Variants in CHSY3 observed in about 807,000 individuals in gnomAD.
CHSY3 encodes N-acetylgalactosaminyl-proteoglycan 3-beta-glucuronosyltransferase 3.
CHSY3 carries 35 observed loss-of-function variants against 67.2 expected under a neutral mutation model. The ratio of observed to expected loss-of-function variants is 0.52; its 90% CI spans 0.40 to 0.69. The LOEUF (loss-of-function observed/expected upper bound fraction) is 0.69, where lower values mean the gene tolerates loss of function less well. Ranked by LOEUF, CHSY3 falls within the 30% of genes least tolerant of loss-of-function variation. The probability of loss-of-function intolerance (pLI) is 0.00; values close to 1 mark genes in which losing one functional copy is unlikely to be tolerated. For missense variants in CHSY3, 1,069 were observed against 1,138.5 expected (o/e 0.94, Z 0.88); for synonymous variants, 474 against 434.7 (o/e 1.09, Z -1.12).
chr5:130,042,472 C>T (rs1765032204), intron 2 of CHSY3, among the ~76,000 whole-genome samples: 1 of 151,990 alleles, frequency 6.6e-6, no homozygotes, highest in African/African-American at 2.4e-5. Flanking sequence ...ATTACAATAT[C>T]AATTCCTTTG....
chr5:130,106,063 C>T (rs1767406450), intron 2 of CHSY3, among the ~76,000 whole-genome samples: 1 of 151,370 alleles, frequency 6.6e-6, no homozygotes, highest in African/African-American at 2.4e-5. Flanking sequence ...CTTACTTAAC[C>T]TCCCCAAGCA....
rs562729053 is a variant in CHSY3, at chr5:130,027,966, G to T, written c.1086+119606G>T. Reference sequence around the variant, plus strand: ...TGTGCTTTTATAGCAACATGATTTAGAATCCTTTGGGTATATACCCAGTAA... The same window carrying T: ...TGTGCTTTTATAGCAACATGATTTATAATCCTTTGGGTATATACCCAGTAA... On this transcript the variant is annotated intron_variant, in intron 2 of 2. Coordinates refer to ENST00000305031, the MANE Select transcript of CHSY3 (RefSeq NM_175856.5). Among the ~76,000 whole-genome samples the T allele has an allele frequency of 3.4e-3, 517 of 152,186 alleles. 2 individuals carry two copies. The highest frequency in any genetic ancestry group is 5.2e-3 in the Admixed American group (79 of 15,258).
At position 130,185,073 on chromosome 5, in the gene CHSY3, T is replaced by G. The variant is rs759792761; in HGVS notation, c.1931T>G (p.Met644Arg). 2.5e-6 allele frequency: 4 copies of G among 1,605,098 alleles called. No individual in the cohort carries two copies. The South Asian group carries it at 4.4e-5, about 18-fold the overall frequency. ...AGATTCATGGAGAACTTTGAAAACA[T>G]GTGTCTTATCCCAAAGCAGAATGTA... Reference protein sequence around the residue: ...FLRFMENFENMCLIPKQNVKL... With the variant: ...FLRFMENFENRCLIPKQNVKL... The change falls in exon 3 of 3, where the codon ATG (methionine) becomes AGG (arginine). Residue 644 changes from methionine to arginine, a missense_variant. Coordinates refer to ENST00000305031, the MANE Select transcript of CHSY3 (RefSeq NM_175856.5).
chr5:130,024,591 T>C (rs1764486196), intron 2 of CHSY3, among the ~76,000 whole-genome samples: 1 of 152,190 alleles, frequency 6.6e-6, no homozygotes, highest in Non-Finnish European at 1.5e-5. Flanking sequence ...ATTCAAATTA[T>C]GTTTTACAAA....
intron 2 of CHSY3, among the ~76,000 whole-genome samples, chr5:130,135,740 G>A (rs1010708509): frequency 1.3e-5 from 2 of 152,054 alleles, no homozygotes; most frequent in African/African-American, 2.4e-5. Context: ...AAATAACTCC[G>A]TGTGTCTCAG....
chr5:130,020,263 C>CA (rs901621868), intron 2 of CHSY3, among the ~76,000 whole-genome samples: 8 of 150,380 alleles, frequency 5.3e-5, no homozygotes, highest in Non-Finnish European at 7.4e-5. Context: ...ACTAAAAATA[C>CA]AAAAAAAATT....
intron 2 of CHSY3, among the ~76,000 whole-genome samples, chr5:129,986,076 A>T (rs1422404695): frequency 6.6e-6 from 1 of 152,112 alleles, no homozygotes; most frequent in East Asian, 1.9e-4. Context: ...AATAGGAGTC[A>T]TGAGAATGGG....
At chr5:130,059,865 A>G (rs1303047112) in intron 2 of CHSY3, among the ~76,000 whole-genome samples, 3 of 152,178 alleles carry the variant, frequency 2.0e-5, no homozygotes, top group Non-Finnish European at 4.4e-5. Flanking sequence ...ATGAGAGAAG[A>G]CTATCTTAAG....
intron 2 of CHSY3, among the ~76,000 whole-genome samples, chr5:130,030,605 T>C (rs979215347): frequency 1.3e-5 from 2 of 152,152 alleles, no homozygotes; most frequent in Non-Finnish European, 2.9e-5. Context: ...TCAATAGAGG[T>C]TTTTAAATAC....
intron 2 of CHSY3, among the ~76,000 whole-genome samples, chr5:129,990,091 T>G (rs936172016): frequency 3.3e-5 from 5 of 152,164 alleles, no homozygotes; most frequent in African/African-American, 4.8e-5. Flanking sequence ...GAATTTTTTT[T>G]TCAGTTAACA....
intron 2 of CHSY3, among the ~76,000 whole-genome samples, chr5:129,950,437 T>C (rs1561469086): frequency 6.6e-6 from 1 of 152,024 alleles, no homozygotes; most frequent in Non-Finnish European, 1.5e-5. Context: ...ATTAGGTAAA[T>C]AAAGAAAGAA....
At chr5:130,137,081 G>A (rs1197893236) in intron 2 of CHSY3, among the ~76,000 whole-genome samples, 1 of 152,044 alleles carries the variant, frequency 6.6e-6, no homozygotes, top group South Asian at 2.1e-4. Flanking sequence ...TCTTCAGAGA[G>A]AGCTAAGAAT....
intron 2 of CHSY3, among the ~76,000 whole-genome samples, chr5:130,152,920 T>C (rs563713965): frequency 6.6e-6 from 1 of 152,308 alleles, no homozygotes; most frequent in East Asian, 1.9e-4. Context: ...ATCAATGGCA[T>C]GTTACATAAA....
chr5:130,160,562 G>A (rs903055252), intron 2 of CHSY3, among the ~76,000 whole-genome samples: 6 of 152,070 alleles, frequency 3.9e-5, no homozygotes, highest in East Asian at 3.9e-4. Context: ...TGGTGTCCTC[G>A]GCATTTGGAG....
chr5:130,015,959 A>G (rs1414793316), intron 2 of CHSY3, among the ~76,000 whole-genome samples: 2 of 152,256 alleles, frequency 1.3e-5, no homozygotes, highest in Middle Eastern at 3.2e-3. Context: ...GGCGGCCATT[A>G]TCTTAAGTGA....
intron 2 of CHSY3, among the ~76,000 whole-genome samples, chr5:130,107,815 C>A (rs1034874963): frequency 2.0e-5 from 3 of 151,602 alleles, no homozygotes; most frequent in African/African-American, 7.2e-5. Flanking sequence ...ATCCTCTCCA[C>A]CCTGCCCCAC....
intron 2 of CHSY3, among the ~76,000 whole-genome samples, chr5:130,049,887 G>A (rs749464774): frequency 7.9e-5 from 12 of 151,838 alleles, no homozygotes; most frequent in Non-Finnish European, 1.5e-4. Flanking sequence ...AGAATAAGGG[G>A]ATCACCATTT....
chr5:129,976,987 A>G (rs1762830802), intron 2 of CHSY3, among the ~76,000 whole-genome samples: 1 of 151,760 alleles, frequency 6.6e-6, no homozygotes, highest in East Asian at 1.9e-4. Context: ...GTTTATTTCA[A>G]TACTAGCCTA....
intron 2 of CHSY3, among the ~76,000 whole-genome samples, chr5:129,934,480 T>C (rs1400550351): frequency 6.6e-6 from 1 of 152,198 alleles, no homozygotes; most frequent in African/African-American, 2.4e-5. Context: ...ATCATTTGAA[T>C]TTAATGCAGT....
Sources: allele counts gnomAD v4.1 joint callset (sites outside exome capture counted in the v4.1 genomes callset), GRCh38; gene constraint gnomAD v4.1.1; transcripts MANE v1.5; gene names NCBI Gene and HGNC (gene_info 2026-07-23, HGNC 2026-07-21).